Variants in SDR16C5 observed in about 807,000 individuals in gnomAD.
SDR16C5 encodes epidermal retinol dehydrogenase 2.
SDR16C5 carries 20 observed loss-of-function variants against 27.7 expected under a neutral mutation model. The ratio of observed to expected loss-of-function variants is 0.72; its 90% CI spans 0.51 to 1.05. SDR16C5 has a LOEUF of 1.05. Among genes scored for constraint, SDR16C5 ranks in the 50% least tolerant of loss-of-function variants. The pLI is 0.00. For missense variants in SDR16C5, 374 were observed against 366.3 expected (o/e 1.02, Z -0.17); for synonymous variants, 139 against 132.3 (o/e 1.05, Z -0.35).
chr8:56,301,184 C>G lies in SDR16C5; in HGVS notation c.*296G>C, dbSNP rs996433492. 1.1e-5 allele frequency: 3 copies of G among 270,866 alleles called. No homozygotes were observed. The East Asian group carries it at 2.5e-4, about 22-fold the overall frequency. 16.8% of individuals were successfully genotyped at this position (270,866 alleles called of 1,614,324 possible). On this transcript the variant is annotated 3_prime_UTR_variant, in exon 7 of 7. Transcript: ENST00000303749. ...CCTCCCCAACGACCAAAGCTCAGGG[C>G]AGCTCATGGCCATGGCTTATCACTT... is the stretch of plus-strand genomic sequence containing the variant.
intron 6 of SDR16C5, among the ~76,000 whole-genome samples, chr8:56,301,950 G>C (rs140907971): frequency 6.6e-6 from 1 of 152,146 alleles, no homozygotes; most frequent in Non-Finnish European, 1.5e-5. Flanking sequence ...TTAGGCAATC[G>C]ACTCAGCTCA....
In SDR16C5 at chr8:56,301,336, G is replaced by GA; in HGVS notation, c.*143dup. On this transcript the variant is annotated 3_prime_UTR_variant, in exon 7 of 7. Coordinates refer to ENST00000303749, the MANE Select transcript of SDR16C5 (RefSeq NM_138969.4). ...AACATTATTTTCAAACACATTGATT[G>GA]AAAATTCTAGTCCAGATAACAGAAT... The GA allele has an allele frequency of 1.8e-6, 1 of 566,714 alleles. No homozygotes were observed. Among genetic ancestry groups the GA allele is most frequent in the East Asian group, 2.7e-5 (1 of 36,924 alleles). The allele number at this position is 566,714 out of a possible 1,614,324, so 35.1% of individuals were successfully genotyped here.
intron 6 of SDR16C5, among the ~76,000 whole-genome samples, chr8:56,303,224 G>A (rs531259743): frequency 7.3e-5 from 11 of 150,824 alleles, no homozygotes; most frequent in South Asian, 4.2e-4. Flanking sequence ...TGAGACAGGA[G>A]AATCACTTGA....
Position 56,305,525 on chromosome 8 carries a change from CT to C in SDR16C5, c.836+71del, listed in dbSNP as rs1814858855. ...AATTTATCAGGTATTTTTAAAGTGG[CT>C]TCTCCTGGTGGGATTTGGAGTAAAC... On this transcript the variant is annotated intron_variant, in intron 6 of 6. Transcript: ENST00000303749. The C allele has an allele frequency of 8.3e-6, 11 of 1,320,064 alleles. No individual in the cohort carries two copies. In the South Asian group the frequency reaches 1.7e-4, roughly 21 times the overall value. The allele number at this position is 1,320,064 out of a possible 1,614,324, so 81.8% of individuals were successfully genotyped here.
chr8:56,319,458 T>C (rs1815278519), intron 1 of SDR16C5, among the ~76,000 whole-genome samples: 1 of 152,258 alleles, frequency 6.6e-6, no homozygotes, highest in East Asian at 1.9e-4. Flanking sequence ...TCCATTTTAC[T>C]GCAAAGACTT....
At chr8:56,317,950 T>A (rs1024658871) in intron 1 of SDR16C5, among the ~76,000 whole-genome samples, 17 of 152,286 alleles carry the variant, frequency 1.1e-4, no homozygotes, top group African/African-American at 3.9e-4. Flanking sequence ...TGAAGAGACG[T>A]ATTCAACAAA....
chr8:56,308,447 A>T (rs1319120007), intron 4 of SDR16C5, among the ~76,000 whole-genome samples: 2 of 152,204 alleles, frequency 1.3e-5, no homozygotes, highest in Admixed American at 1.3e-4. Flanking sequence ...AGGGAGATGA[A>T]AATGCCCACC....
Position 56,301,502 on chromosome 8 carries a change from A to T in SDR16C5, c.908T>A (p.Val303Asp). The T allele has an allele frequency of 6.2e-7, 1 of 1,614,122 alleles. No homozygotes were observed. The highest frequency in any genetic ancestry group is 8.5e-7 in the Non-Finnish European group (1 of 1,179,932). The change falls in exon 7 of 7, where the codon GTT becomes GAT. Residue 303 changes from valine to aspartate, a missense_variant. Val to Asp is a radical substitution (Grantham distance 152). Coordinates refer to ENST00000303749, the MANE Select transcript of SDR16C5 (RefSeq NM_138969.4). The stretch of plus-strand genomic sequence containing the variant: ...TCTTTAGAGCTTCTTCTTTTGGTCA[A>T]CAAAGCCATCCATTGCATGAAGGAT... ...LGILHAMDGF[V>D]DQKKKL
At chr8:56,304,863 G>A (rs1246573379) in intron 6 of SDR16C5, among the ~76,000 whole-genome samples, 4 of 151,816 alleles carry the variant, frequency 2.6e-5, no homozygotes, top group East Asian at 1.9e-4. Context: ...TCAAACTCCT[G>A]GGCTCAACCA....
chr8:56,316,978 C>T (rs576571641), intron 1 of SDR16C5, among the ~76,000 whole-genome samples: 3 of 152,160 alleles, frequency 2.0e-5, no homozygotes, highest in Non-Finnish European at 4.4e-5. Context: ...TAGCCCTTCC[C>T]TAGGCTCTGA....
chr8:56,312,408 A>G (rs1815069011), intron 2 of SDR16C5, 120 bp from the exon 3 acceptor site: 1 of 896,112 alleles, frequency 1.1e-6, no homozygotes, highest in East Asian at 2.5e-5. Context: ...TATGCACTCT[A>G]AAAATACAGC....
At chr8:56,309,884 C>T (rs961638626) in intron 3 of SDR16C5, among the ~76,000 whole-genome samples, 5 of 152,002 alleles carry the variant, frequency 3.3e-5, no homozygotes, top group African/African-American at 1.2e-4. Flanking sequence ...TCAGGTAGCT[C>T]TTGGACGCTC....
At chr8:56,319,882 C>G (rs549038718) in intron 1 of SDR16C5, among the ~76,000 whole-genome samples, 177 bp downstream of exon 1, 1 of 152,162 alleles carries the variant, frequency 6.6e-6, no homozygotes, top group African/African-American at 2.4e-5. Context: ...CCGTGCGCTA[C>G]CCGGTGCAGC....
At position 56,301,574 on chromosome 8, in the gene SDR16C5, C is replaced by T. The variant is rs761134843; in HGVS notation, c.837-1G>A. 6.2e-7 allele frequency: 1 copy of T among 1,608,268 alleles called. No individual in the cohort carries two copies. Among genetic ancestry groups the T allele is most frequent in the Non-Finnish European group, 8.5e-7 (1 of 1,174,914 alleles). ...CAGTCCTGTCTTGAGGGGCAAAAAG[C>T]TAAAGAGAACACAAGAATAAACTTT... On this transcript the variant is annotated splice_acceptor_variant, in intron 6 of 6. Coordinates refer to ENST00000303749, the MANE Select transcript of SDR16C5 (RefSeq NM_138969.4). LOFTEE classifies it high-confidence loss of function.
At chr8:56,303,252 T>C (rs1046076764) in intron 6 of SDR16C5, among the ~76,000 whole-genome samples, 27 of 150,734 alleles carry the variant, frequency 1.8e-4, no homozygotes, top group African/African-American at 6.3e-4. Flanking sequence ...AAGGCGGGGG[T>C]TGCAGTGAGC....
Position 56,301,535 on chromosome 8 carries a change from TAGTC to T in SDR16C5, c.871_874del (p.Asp291IlefsTer25), listed in dbSNP as rs753191159. ...ATCCATTGCATGAAGGATGCCCAAA[TAGTC>T]AGCTATAAGCAGTCCTGTCTTGAGG... is the stretch of plus-strand genomic sequence containing the variant. On this transcript the variant is annotated frameshift_variant, in exon 7 of 7. Transcript: ENST00000303749. LOFTEE classifies it low-confidence loss of function (END_TRUNC). The T allele has an allele frequency of 4.3e-6, 7 of 1,614,188 alleles. No individual in the cohort carries two copies. The South Asian group carries it at 5.5e-5, about 13-fold the overall frequency.
chr8:56,312,406 C>T (rs1422818570), intron 2 of SDR16C5, 118 bp from the exon 3 acceptor site: 11 of 911,194 alleles, frequency 1.2e-5, no homozygotes, highest in East Asian at 7.5e-5. Context: ...TTTATGCACT[C>T]TAAAAATACA....
intron 6 of SDR16C5, among the ~76,000 whole-genome samples, chr8:56,304,662 C>T (rs1374045228): frequency 1.3e-5 from 2 of 152,078 alleles, no homozygotes; most frequent in African/African-American, 4.8e-5. Flanking sequence ...CCTCAGCCTC[C>T]TGGGTAGCTG....
At chr8:56,306,905 C>T in intron 4 of SDR16C5, 85 bp from the exon 5 acceptor site, 4 of 1,184,602 alleles carry the variant, frequency 3.4e-6, no homozygotes, top group Non-Finnish European at 4.7e-6. Flanking sequence ...CTAACAGCGA[C>T]AGAAAATAAG....
Sources: gnomAD v4.1 joint callset for allele counts (sites outside exome capture counted in the v4.1 genomes callset) on GRCh38, gnomAD v4.1.1 for gene constraint, MANE v1.5 for transcripts, NCBI Gene and HGNC (gene_info 2026-07-23, HGNC 2026-07-21) for gene names.